The following HIRA variants were observed in gnomAD, a reference collection of about 807,000 sequenced individuals.
HIRA encodes the protein histone cell cycle regulator.
A neutral mutation model predicts 126.6 loss-of-function variants in HIRA; 13 were observed. The ratio of observed to expected loss-of-function variants is 0.10; its 90% CI spans 0.07 to 0.16. HIRA has a LOEUF of 0.16. Among genes scored for constraint, HIRA ranks in the 10% least tolerant of loss-of-function variants. The pLI is 1.00. For missense variants in HIRA, 834 were observed against 1,314.4 expected (o/e 0.63, Z 5.65); for synonymous variants, 511 against 520.0 (o/e 0.98, Z 0.24).
chr22:19,427,555 GA>G lies in HIRA; in HGVS notation c.37+3884del, dbSNP rs552186245. ...AAAATAATCCAATCGCAGGACAGGA[GA>G]AAATACACACCATAAGGCCATGTGA... is the stretch of plus-strand genomic sequence containing the variant. On this transcript the variant is annotated intron_variant, in intron 1 of 24. Coordinates refer to ENST00000263208, the MANE Select transcript of HIRA (RefSeq NM_003325.4). Among the ~76,000 whole-genome samples the G allele has an allele frequency of 8.6e-3, 1,308 of 152,330 alleles. 8 individuals are homozygous for G. The highest frequency in any genetic ancestry group is 0.013 in the Non-Finnish European group (896 of 68,036).
chr22:19,399,503 C>G (rs1251673970), intron 5 of HIRA, among the ~76,000 whole-genome samples: 3 of 152,240 alleles, frequency 2.0e-5, no homozygotes, highest in Middle Eastern at 6.8e-3. Flanking sequence ...TAATTTAACA[C>G]TGAAGATTAA....
At chr22:19,416,738 A>C (rs1365282421) in intron 1 of HIRA, among the ~76,000 whole-genome samples, 1 of 152,220 alleles carries the variant, frequency 6.6e-6, no homozygotes, top group Non-Finnish European at 1.5e-5. Flanking sequence ...TTGTGCATCA[A>C]AGGAAAATAT....
intron 17 of HIRA, among the ~76,000 whole-genome samples, chr22:19,360,330 T>C (rs1042276252): frequency 6.6e-6 from 1 of 152,156 alleles, no homozygotes; most frequent in African/African-American, 2.4e-5. Context: ...GGAGGGAACC[T>C]AAGTCAGAAC....
chr22:19,399,485 A>G (rs1363873827), intron 5 of HIRA, among the ~76,000 whole-genome samples: 2 of 151,494 alleles, frequency 1.3e-5, no homozygotes, highest in Admixed American at 1.3e-4. Context: ...CACTACTATT[A>G]ATTGACCTAA....
At chr22:19,385,251 G>C (rs747842233) in intron 12 of HIRA, among the ~76,000 whole-genome samples, 22 of 152,304 alleles carry the variant, frequency 1.4e-4, no homozygotes, top group Non-Finnish European at 2.5e-4. Context: ...AGGATTTTTA[G>C]AAAGACCAGA....
rs182201517 is a variant in HIRA, at chr22:19,429,297, C to A, written c.37+2143G>T. Among the ~76,000 whole-genome samples, 508 of 151,882 alleles carry A rather than the reference C, an allele frequency of 3.3e-3. 20 individuals are homozygous for A. The East Asian group carries it at 0.068, about 20-fold the overall frequency. ...GGACTACAGGTGCGTACCACCACGC[C>A]CAGCTAATTTTTGTATTTTTAGTAG... On this transcript the variant is annotated intron_variant, in intron 1 of 24. Transcript: ENST00000263208.
chr22:19,416,487 G>A (rs927831903), intron 1 of HIRA, among the ~76,000 whole-genome samples: 8 of 151,988 alleles, frequency 5.3e-5, no homozygotes, highest in African/African-American at 1.2e-4. Context: ...CGCCTGGTGC[G>A]CACCACCACG....
At chr22:19,425,714 T>C (rs968994441) in intron 1 of HIRA, among the ~76,000 whole-genome samples, 15 of 152,198 alleles carry the variant, frequency 9.9e-5, no homozygotes, top group African/African-American at 3.6e-4. Context: ...CTGGGAGCGG[T>C]GGCTCACACC....
chr22:19,427,544 G>A (rs532351420), intron 1 of HIRA, among the ~76,000 whole-genome samples: 1 of 152,074 alleles, frequency 6.6e-6, no homozygotes, highest in African/African-American at 2.4e-5. Flanking sequence ...TAATCCAATC[G>A]CAGGACAGGA....
At chr22:19,420,982 C>T (rs1489278302) in intron 1 of HIRA, among the ~76,000 whole-genome samples, 1 of 152,172 alleles carries the variant, frequency 6.6e-6, no homozygotes, top group Non-Finnish European at 1.5e-5. Context: ...AGACAACAAA[C>T]CTACAATACT....
intron 14 of HIRA, among the ~76,000 whole-genome samples, chr22:19,376,301 T>C (rs1189398268): frequency 1.3e-5 from 2 of 152,224 alleles, no homozygotes; most frequent in African/African-American, 4.8e-5. Context: ...CTTAGCATTA[T>C]GCTCCAAGTG....
intron 17 of HIRA, among the ~76,000 whole-genome samples, chr22:19,359,926 C>G (rs1055444856): frequency 6.6e-6 from 1 of 152,186 alleles, no homozygotes; most frequent in Non-Finnish European, 1.5e-5. Context: ...GAGACCATGT[C>G]AGTGCTTGGA....
intron 1 of HIRA, among the ~76,000 whole-genome samples, chr22:19,416,751 A>G (rs2089402119): frequency 6.6e-6 from 1 of 152,246 alleles, no homozygotes; most frequent in Admixed American, 6.5e-5. Context: ...GAAAATATCA[A>G]CAGAATAAAA....
chr22:19,343,929 C>G (rs1200633105), intron 24 of HIRA, among the ~76,000 whole-genome samples: 1 of 149,186 alleles, frequency 6.7e-6, no homozygotes, highest in Non-Finnish European at 1.5e-5. Flanking sequence ...TCAGGCTGGT[C>G]TCGAATTCCT....
At chr22:19,430,471 G>A (rs997355171) in intron 1 of HIRA, among the ~76,000 whole-genome samples, 1 of 152,180 alleles carries the variant, frequency 6.6e-6, no homozygotes, top group African/African-American at 2.4e-5. Context: ...CGCTCCTAAA[G>A]AAAACGGTAG....
chr22:19,394,455 G>A lies in HIRA; in HGVS notation c.709C>T (p.Leu237=). 1.9e-6 allele frequency: 3 copies of A among 1,614,136 alleles called. No homozygotes were observed. Among genetic ancestry groups the A allele is most frequent in the Non-Finnish European group, 2.5e-6 (3 of 1,180,010 alleles). ...RLSWSPDGHY[L]VSAHAMNNSG... The stretch of plus-strand genomic sequence containing the variant: ...TTGTTCATGGCATGGGCAGACACCA[G>A]GTAATGCCCATCAGGTGACCAGCTG... The change falls in exon 8 of 25, where the codon CTG becomes TTG. Residue 237 remains leucine (L), a synonymous_variant. Transcript: ENST00000263208.
At chr22:19,341,754 A>C (rs1252382249) in intron 24 of HIRA, among the ~76,000 whole-genome samples, 1 of 152,234 alleles carries the variant, frequency 6.6e-6, no homozygotes, top group East Asian at 1.9e-4. Context: ...CCACATATAG[A>C]AGAATGAAGC....
chr22:19,379,853 G>C (rs911677037), intron 13 of HIRA, among the ~76,000 whole-genome samples: 4 of 151,932 alleles, frequency 2.6e-5, no homozygotes, highest in African/African-American at 9.7e-5. Context: ...TGTGTCGCCA[G>C]GCTGGAGTGC....
intron 24 of HIRA, among the ~76,000 whole-genome samples, chr22:19,335,418 T>C (rs2088555601): frequency 6.6e-6 from 1 of 152,160 alleles, no homozygotes; most frequent in African/African-American, 2.4e-5. Context: ...CTAATTTTTG[T>C]ATTTCTAGTA....
Sources: gnomAD v4.1 joint callset for allele counts (sites outside exome capture counted in the v4.1 genomes callset) on GRCh38, gnomAD v4.1.1 for gene constraint, MANE v1.5 for transcripts, NCBI Gene and HGNC (gene_info 2026-07-23, HGNC 2026-07-21) for gene names.